RBFOX1: variants seen among roughly 807,000 people sequenced by gnomAD.
RBFOX1 encodes RNA binding protein fox-1 homolog 1.
A neutral mutation model predicts 57.7 loss-of-function variants in RBFOX1; 8 were observed. The ratio of observed to expected loss-of-function variants is 0.14; its 90% confidence interval spans 0.08 to 0.25. The LOEUF (loss-of-function observed/expected upper bound fraction) is 0.25, where lower values mean the gene tolerates loss of function less well. RBFOX1 is among the 10% of genes least tolerant of loss of function. The probability of loss-of-function intolerance (pLI) is 1.00; values close to 1 mark genes in which losing one functional copy is unlikely to be tolerated. For synonymous variants in RBFOX1, 326 were observed against 222.4 expected, an observed-to-expected ratio of 1.47 and a Z score of -4.15; for missense variants, 611 against 548.5, an observed-to-expected ratio of 1.11 and a Z score of -1.14.
chr16:6,703,856 C>T lies in RBFOX1; in HGVS notation c.-16+49206C>T, dbSNP rs987322720. On this transcript the variant is annotated intron_variant, in intron 3 of 15. Coordinates refer to ENST00000550418, the MANE Select transcript of RBFOX1 (RefSeq NM_018723.4). ...TCTCTGACAAGGATAGCCAGCAACT[C>T]TGAAAAGCAACTTACTCTGTTACAC... is the stretch of plus-strand genomic sequence containing the variant. The T allele has an allele frequency of 2.0e-5, 3 of 152,316 alleles. No homozygotes were observed. In the East Asian group the frequency reaches 5.8e-4, roughly 29 times the overall value. The allele number at this position is 152,316 out of a possible 1,614,324, so 9.4% of individuals were successfully genotyped here. A position where few individuals can be genotyped will look rare whatever the true frequency, so the allele number is the denominator to read the frequency against.
chr16:6,702,936 C>G (rs1360769647), intron 3 of RBFOX1, among the ~76,000 whole-genome samples: 1 of 152,192 alleles, frequency 6.6e-6, no homozygotes, highest in Non-Finnish European at 1.5e-5. Flanking sequence ...CTCATGTCCT[C>G]CCAGCCTCTG....
intron 1 of RBFOX1, among the ~76,000 whole-genome samples, chr16:5,460,576 C>A (rs1209130385): frequency 2.0e-5 from 3 of 152,178 alleles, no homozygotes; most frequent in African/African-American, 7.2e-5. Context: ...AAGGACTCTT[C>A]CCAGATGATG....
At chr16:7,210,814 C>T (rs1028127115) in intron 4 of RBFOX1, among the ~76,000 whole-genome samples, 1 of 151,862 alleles carries the variant, frequency 6.6e-6, no homozygotes, top group South Asian at 2.1e-4. Flanking sequence ...GTGAGCAAGT[C>T]TAGAGATCCA....
At chr16:7,351,260 A>G (rs1257363144) in intron 4 of RBFOX1, among the ~76,000 whole-genome samples, 1 of 152,232 alleles carries the variant, frequency 6.6e-6, no homozygotes, top group African/African-American at 2.4e-5. Context: ...GCCTCAGTTC[A>G]TTCGTACCTA....
chr16:7,475,544 G>T (rs1420949415), intron 4 of RBFOX1, among the ~76,000 whole-genome samples: 1 of 152,066 alleles, frequency 6.6e-6, no homozygotes, highest in Non-Finnish European at 1.5e-5. Context: ...TTGATCTCCT[G>T]ACCTCGTGAT....
At chr16:7,700,913 G>A (rs758014783) in intron 14 of RBFOX1, among the ~76,000 whole-genome samples, 1 of 152,156 alleles carries the variant, frequency 6.6e-6, no homozygotes, top group Non-Finnish European at 1.5e-5. Context: ...AATGGTCTGA[G>A]TCTTTTAGAT....
chr16:6,289,438 G>A (rs1312002296), intron 1 of RBFOX1, among the ~76,000 whole-genome samples: 1 of 152,156 alleles, frequency 6.6e-6, no homozygotes, highest in African/African-American at 2.4e-5. Context: ...TTGGATGTTA[G>A]CAGTCATCAT....
At chr16:6,796,820 C>A (rs150669154) in intron 3 of RBFOX1, among the ~76,000 whole-genome samples, 1 of 152,240 alleles carries the variant, frequency 6.6e-6, no homozygotes, top group East Asian at 1.9e-4. Context: ...TACATTGTTT[C>A]TTTGATAAAT....
chr16:6,231,097 A>G (rs113765656), intron 1 of RBFOX1, among the ~76,000 whole-genome samples: 11 of 152,298 alleles, frequency 7.2e-5, no homozygotes, highest in African/African-American at 2.4e-4. Flanking sequence ...TAAGTTGGCC[A>G]GGAAAGGTTT....
intron 4 of RBFOX1, among the ~76,000 whole-genome samples, chr16:7,381,211 G>A (rs1040859284): frequency 6.6e-6 from 1 of 152,164 alleles, no homozygotes; most frequent in African/African-American, 2.4e-5. Context: ...TTCCATCAAA[G>A]GGATTGAGGC....
chr16:5,944,075 A>C (rs775159011), intron 4 of RBFOX1, among the ~76,000 whole-genome samples: 1 of 152,106 alleles, frequency 6.6e-6, no homozygotes, highest in Non-Finnish European at 1.5e-5. Flanking sequence ...CATTCAGCCC[A>C]CATACATAGA....
intron 1 of RBFOX1, among the ~76,000 whole-genome samples, chr16:5,391,432 G>C (rs947685937): frequency 6.6e-6 from 1 of 152,068 alleles, no homozygotes; most frequent in South Asian, 2.1e-4. Flanking sequence ...AGCCAGGAAG[G>C]GTTAAATCCT....
chr16:7,276,589 A>G (rs907796846), intron 4 of RBFOX1, among the ~76,000 whole-genome samples: 1 of 152,184 alleles, frequency 6.6e-6, no homozygotes, highest in African/African-American at 2.4e-5. Flanking sequence ...CTAGGGGATC[A>G]CTTAATTCAT....
At chr16:6,234,884 T>C (rs1006011693) in intron 1 of RBFOX1, among the ~76,000 whole-genome samples, 3 of 152,160 alleles carry the variant, frequency 2.0e-5, no homozygotes, top group Non-Finnish European at 2.9e-5. Flanking sequence ...TGCACTAGTA[T>C]CGGTTTCCTT....
chr16:5,489,545 G>C (rs2042756298), intron 2 of RBFOX1, among the ~76,000 whole-genome samples: 1 of 152,164 alleles, frequency 6.6e-6, no homozygotes. Context: ...TGGTTTCTTT[G>C]TCTGTAAAAT....
At chr16:7,332,476 G>A (rs190578919) in intron 4 of RBFOX1, among the ~76,000 whole-genome samples, 10 of 152,222 alleles carry the variant, frequency 6.6e-5, no homozygotes, top group African/African-American at 2.2e-4. Flanking sequence ...AGTGCCAAAC[G>A]TTGCCCACAT....
chr16:6,900,008 A>G lies in RBFOX1; in HGVS notation c.-15-152049A>G, dbSNP rs539802772. Reference sequence around the variant, plus strand: ...TCTGTGCTTCTGTTTCCTTATTTATAACAGGAGGATGCTCATAGCATCAAC... The same window carrying G: ...TCTGTGCTTCTGTTTCCTTATTTATGACAGGAGGATGCTCATAGCATCAAC... On this transcript the variant is annotated intron_variant, in intron 3 of 15. Coordinates refer to ENST00000550418, the MANE Select transcript of RBFOX1 (RefSeq NM_018723.4). 2.6e-5 allele frequency among the ~76,000 whole-genome samples: 4 copies of G among 152,312 alleles called. No homozygotes were observed. In the South Asian group the frequency reaches 8.3e-4, roughly 32 times the overall value.
chr16:7,535,029 GATT>G (rs1266582170), intron 5 of RBFOX1, among the ~76,000 whole-genome samples: 23 of 152,266 alleles, frequency 1.5e-4, no homozygotes, highest in Non-Finnish European at 5.9e-5. Context: ...GTGGACCTCT[GATT>G]ATTATTCTGA....
chr16:5,683,804 TTATATAC>T (rs2050420218), intron 3 of RBFOX1, among the ~76,000 whole-genome samples: 1 of 148,184 alleles, frequency 6.7e-6, no homozygotes, highest in Admixed American at 6.8e-5. Flanking sequence ...GTTTTATATA[TTATATAC>T]AACATATAAT....
Sources: allele counts gnomAD v4.1 joint callset (sites outside exome capture counted in the v4.1 genomes callset), GRCh38; gene constraint gnomAD v4.1.1; transcripts MANE v1.5; gene names NCBI Gene and HGNC (gene_info 2026-07-23, HGNC 2026-07-21).